RIC1: variants seen among roughly 807,000 people sequenced by gnomAD.
The protein encoded by RIC1 is RIC1 partner of RAB6A GEF complex.
RIC1 carries 88 observed loss-of-function variants against 169.0 expected under a neutral mutation model. That is an observed-to-expected ratio of 0.52 (90% CI 0.44 to 0.62). The LOEUF is 0.62. Ranked by LOEUF, RIC1 falls within the 20% of genes least tolerant of loss-of-function variation. The pLI is 0.00. For missense variants in RIC1, 1,877 were observed against 1,725.5 expected, an observed-to-expected ratio of 1.09 and a Z score of -1.56; for synonymous variants, 790 against 601.5, an observed-to-expected ratio of 1.31 and a Z score of -4.59.
chr9:5,677,693 A>AT (rs926054814), intron 2 of RIC1, among the ~76,000 whole-genome samples: 5 of 151,034 alleles, frequency 3.3e-5, no homozygotes, highest in African/African-American at 9.7e-5. Context: ...GTTCATCTCA[A>AT]TTTTTTTTTG....
downstream of RIC1, among the ~76,000 whole-genome samples, chr9:5,777,901 C>CTAAG (rs1827673870): frequency 6.6e-6 from 1 of 152,064 alleles, no homozygotes; most frequent in South Asian, 2.1e-4. Flanking sequence ...AGCGAGAGTC[C>CTAAG]TAAGTTTGTT....
rs781526283 is a variant in RIC1, at chr9:5,763,733, C to G, written c.2706C>G (p.Val902=). The G allele has an allele frequency of 1.9e-6, 3 of 1,614,162 alleles. No homozygotes were observed. The highest frequency in any genetic ancestry group is 2.5e-6 in the Non-Finnish European group (3 of 1,180,024). ...TEFPLFLQTV[V]HCARKTEYAL... ...TCCCCCTCTTCCTGCAGACAGTTGT[C>G]CATTGTGCCAGGAAGACCGAATATG... The change falls in exon 19 of 26, where the codon GTC becomes GTG. Residue 902 remains valine, a synonymous_variant. Transcript: ENST00000414202. This position sits in a 1 kb window ranked among gnomAD's most constrained non-coding sequence, Gnocchi z 5.2.
chr9:5,755,122 G>A (rs753923374), intron 15 of RIC1, among the ~76,000 whole-genome samples, 192 bp downstream of exon 15: 6 of 152,170 alleles, frequency 3.9e-5, no homozygotes, highest in Non-Finnish European at 5.9e-5. Flanking sequence ...AGTGACAATT[G>A]AGACTTTTAA....
chr9:5,653,031 C>T (rs1451604990), intron 1 of RIC1, among the ~76,000 whole-genome samples: 1 of 152,152 alleles, frequency 6.6e-6, no homozygotes, highest in African/African-American at 2.4e-5. Flanking sequence ...CTGAACCATC[C>T]TTGCATTCCT....
intron 1 of RIC1, among the ~76,000 whole-genome samples, chr9:5,632,705 A>G (rs1378266417): frequency 3.9e-5 from 6 of 152,164 alleles, no homozygotes; most frequent in African/African-American, 1.4e-4. Context: ...TTCAGCTTTG[A>G]GGATGAAACT....
intron 7 of RIC1, 109 bp from the exon 8 acceptor site, chr9:5,738,341 G>T: frequency 1.4e-6 from 1 of 700,862 alleles, no homozygotes; most frequent in South Asian, 1.7e-5. Context: ...TGACAAAGTG[G>T]TTTTGTTCTA....
chr9:5,707,175 C>T (rs1822642960), intron 3 of RIC1, among the ~76,000 whole-genome samples: 1 of 152,150 alleles, frequency 6.6e-6, no homozygotes, highest in South Asian at 2.1e-4. Flanking sequence ...TTTTGAATTT[C>T]CACATATTTG....
chr9:5,734,598 T>G (rs1051488999), intron 7 of RIC1, among the ~76,000 whole-genome samples: 1 of 111,678 alleles, frequency 9.0e-6, no homozygotes, highest in African/African-American at 3.1e-5. Context: ...AATCCAGATA[T>G]TCATAGTTTT....
intron 17 of RIC1, among the ~76,000 whole-genome samples, chr9:5,762,259 A>G (rs1362971586): frequency 2.6e-5 from 4 of 152,184 alleles, no homozygotes; most frequent in Non-Finnish European, 4.4e-5. Flanking sequence ...TCTCATTTTT[A>G]TAAACTTCTA....
chr9:5,665,573 G>C (rs2130522848), intron 2 of RIC1, among the ~76,000 whole-genome samples: 1 of 152,210 alleles, frequency 6.6e-6, no homozygotes, highest in African/African-American at 2.4e-5. Flanking sequence ...TATCTTTGTG[G>C]GCTTATCTGC....
chr9:5,741,289 G>A (rs957880854), intron 8 of RIC1, among the ~76,000 whole-genome samples: 1 of 152,140 alleles, frequency 6.6e-6, no homozygotes, highest in Non-Finnish European at 1.5e-5. Context: ...CAGTTCAACT[G>A]TGATGTGGAA....
chr9:5,666,238 C>G (rs1291643472), intron 2 of RIC1, among the ~76,000 whole-genome samples: 3 of 152,152 alleles, frequency 2.0e-5, no homozygotes, highest in African/African-American at 7.2e-5. Context: ...CTGCAGGAAA[C>G]CTTTCTCTTC....
intron 2 of RIC1, among the ~76,000 whole-genome samples, chr9:5,660,162 A>G (rs536082863): frequency 5.9e-4 from 90 of 152,294 alleles, no homozygotes; most frequent in Middle Eastern, 6.8e-3. Flanking sequence ...AGCTCCAACC[A>G]TGTCCCTGCA....
chr9:5,703,388 A>G (rs1283191860), intron 3 of RIC1, among the ~76,000 whole-genome samples: 1 of 152,214 alleles, frequency 6.6e-6, no homozygotes, highest in Non-Finnish European at 1.5e-5. Context: ...GTACATTTAC[A>G]GTGTTTTGTA....
At chr9:5,664,965 G>A (rs550081007) in intron 2 of RIC1, among the ~76,000 whole-genome samples, 1 of 152,152 alleles carries the variant, frequency 6.6e-6, no homozygotes, top group Non-Finnish European at 1.5e-5. Flanking sequence ...TAACAGGTCG[G>A]TTATGTTGCT....
Position 5,711,246 on chromosome 9 carries a change from TC to T in RIC1, c.333-2646del, listed in dbSNP as rs1486145799. Among the ~76,000 whole-genome samples the T allele has an allele frequency of 7.9e-5, 12 of 152,248 alleles. No homozygotes were observed. The East Asian group carries it at 1.9e-3, about 24-fold the overall frequency. On this transcript the variant is annotated intron_variant, in intron 3 of 25. Transcript: ENST00000414202. ...ACACTTGAGAATCTAAAAGGACATG[TC>T]CCCAGTGTACTTATCTCCCAGATTC...
At chr9:5,629,773 C>G (rs1307816918) in intron 1 of RIC1, among the ~76,000 whole-genome samples, 2 of 152,238 alleles carry the variant, frequency 1.3e-5, no homozygotes, top group Non-Finnish European at 2.9e-5. Flanking sequence ...CTCCCTTCCC[C>G]CATTCCCCGA....
intron 12 of RIC1, among the ~76,000 whole-genome samples, chr9:5,751,865 C>G (rs926890697): frequency 1.3e-5 from 2 of 152,180 alleles, no homozygotes; most frequent in Non-Finnish European, 2.9e-5. Flanking sequence ...ACATTACATA[C>G]ACAATCTTAC....
chr9:5,649,808 C>T (rs1384149589), intron 1 of RIC1, among the ~76,000 whole-genome samples: 2 of 151,140 alleles, frequency 1.3e-5, no homozygotes, highest in African/African-American at 2.4e-5. Context: ...ACAGTTGCTT[C>T]TTCCAGTTTT....
Sources: allele counts gnomAD v4.1 joint callset (sites outside exome capture counted in the v4.1 genomes callset), GRCh38; gene constraint gnomAD v4.1.1; non-coding constraint Gnocchi (gnomAD v3.1); transcripts MANE v1.5; gene names NCBI Gene and HGNC (gene_info 2026-07-23, HGNC 2026-07-21).